The following VCAN variants were observed in gnomAD, a reference collection of about 807,000 sequenced individuals.
VCAN encodes the protein versican.
In VCAN, 44 loss-of-function variants were observed where a neutral mutation model predicts 245.5. The ratio of observed to expected loss-of-function variants is 0.18; its 90% confidence interval spans 0.14 to 0.23. The LOEUF is 0.23. VCAN is among the 10% of genes least tolerant of loss of function. VCAN has a pLI of 1.00. For missense variants in VCAN, 3,793 were observed against 4,057.9 expected, an observed-to-expected ratio of 0.93 and a Z score of 1.77; for synonymous variants, 1,413 against 1,437.0, an observed-to-expected ratio of 0.98 and a Z score of 0.38.
intron 1 of VCAN, among the ~76,000 whole-genome samples, chr5:83,478,186 T>G (rs1217530430): frequency 1.3e-5 from 2 of 152,048 alleles, no homozygotes; most frequent in African/African-American, 4.8e-5. Flanking sequence ...CCTCAAGTGA[T>G]TCACCCACCT....
At position 83,496,148 on chromosome 5, in the gene VCAN, C is replaced by A. The variant is rs575873663; in HGVS notation, c.748+2217C>A. Among the ~76,000 whole-genome samples, 101 of 152,266 alleles carry A rather than the reference C, an allele frequency of 6.6e-4. 1 individual carries two copies. The East Asian group carries it at 8.3e-3, about 13-fold the overall frequency. Reference sequence around the variant, plus strand: ...ACACTGTCTTCATTGAACGATGGCTCCCCACAGTCTGCTCATAGTATCATA... The same window carrying A: ...ACACTGTCTTCATTGAACGATGGCTACCCACAGTCTGCTCATAGTATCATA... On this transcript the variant is annotated intron_variant, in intron 5 of 14. Transcript: ENST00000265077.
At chr5:83,479,470 C>G (rs866112195) in intron 1 of VCAN, among the ~76,000 whole-genome samples, 1 of 152,094 alleles carries the variant, frequency 6.6e-6, no homozygotes, top group Non-Finnish European at 1.5e-5. Flanking sequence ...TACCCTGTAC[C>G]TGGATTGTTC....
chr5:83,517,215 CT>C (rs1035248137), intron 6 of VCAN, among the ~76,000 whole-genome samples: 1 of 152,062 alleles, frequency 6.6e-6, no homozygotes, highest in Non-Finnish European at 1.5e-5. Context: ...TATGAGTCAA[CT>C]TTTAAAACAC....
At chr5:83,487,381 T>A (rs936245928) in intron 2 of VCAN, among the ~76,000 whole-genome samples, 1 of 152,194 alleles carries the variant, frequency 6.6e-6, no homozygotes, top group African/African-American at 2.4e-5. Flanking sequence ...CTGTACTCAT[T>A]TGGACCACAA....
rs1464512889 is a variant in VCAN, at chr5:83,537,064, A to G, written c.4061A>G (p.Asp1354Gly). The G allele has an allele frequency of 3.1e-6, 5 of 1,613,072 alleles. No individual in the cohort carries two copies. The Admixed American group carries it at 8.4e-5, about 27-fold the overall frequency. Reference protein sequence around the residue: ...GHPIDSESKEDEPCSEETDPV... With the variant: ...GHPIDSESKEGEPCSEETDPV... ...CCAATAGATTCAGAATCTAAAGAAG[A>G]TGAACCTTGTAGTGAAGAAACAGAT... Residue 1354 changes from aspartate (D) to glycine (G), a missense_variant, in exon 8 of 15, where the codon GAT (aspartate) becomes GGT (glycine). Transcript: ENST00000265077.
chr5:83,483,409 T>C, intron 1 of VCAN, 104 bp from the exon 2 acceptor site: 1 of 901,444 alleles, frequency 1.1e-6, no homozygotes, highest in Non-Finnish European at 1.8e-6. Flanking sequence ...TACTTAATGC[T>C]TAATACTACC....
intron 1 of VCAN, among the ~76,000 whole-genome samples, chr5:83,477,129 TA>T (rs1221806886): frequency 6.6e-6 from 1 of 152,150 alleles, no homozygotes; most frequent in Non-Finnish European, 1.5e-5. Context: ...TGTCATAATC[TA>T]TTAAATGAAT....
intron 13 of VCAN, among the ~76,000 whole-genome samples, chr5:83,579,690 T>C (rs1440978310): frequency 6.6e-6 from 1 of 152,128 alleles, no homozygotes; most frequent in Non-Finnish European, 1.5e-5. Context: ...AATTTGGAAA[T>C]TTTGTCAGAA....
chr5:83,519,651 A>G lies in VCAN; in HGVS notation c.1345A>G (p.Lys449Glu), dbSNP rs375154169. 25 of 1,614,050 alleles carry G rather than the reference A, an allele frequency of 1.5e-5. No individual in the cohort carries two copies. The highest frequency in any genetic ancestry group is 1.9e-5 in the Non-Finnish European group (23 of 1,179,998). The change falls in exon 7 of 15, where the codon AAG (lysine) becomes GAG (glutamate). Residue 449 changes from lysine to glutamate, a missense_variant. By Grantham distance (56) the Lys-to-Glu change is moderately conservative (BLOSUM62 1). Coordinates refer to ENST00000265077, the MANE Select transcript of VCAN (RefSeq NM_004385.5). ...ACCTTCTGCTTCAGGACCTCTTGGAAAGCTAGACATATCAGAAATTAAGGA... is the reference window on the plus strand; with the variant it reads ...ACCTTCTGCTTCAGGACCTCTTGGAGAGCTAGACATATCAGAAATTAAGGA... ...YSPSASGPLG[K>E]LDISEIKEEV...
chr5:83,553,772 A>G lies in VCAN; in HGVS notation c.9652+250A>G, dbSNP rs147748928. ...AGTTGAAACACTTGCTGTAGGTTGA[A>G]TCATAAGCAGTTGCTATTTGATCAT... On this transcript the variant is annotated intron_variant, in intron 11 of 14. Coordinates refer to ENST00000265077, the MANE Select transcript of VCAN (RefSeq NM_004385.5). 9.1e-4 allele frequency among the ~76,000 whole-genome samples: 139 copies of G among 152,354 alleles called. 3 individuals are homozygous for G. Among genetic ancestry groups the G allele is most frequent in the African/African-American group, 3.1e-3 (127 of 41,586 alleles).
chr5:83,548,096 T>C lies in VCAN; in HGVS notation c.9493+12T>C. The C allele has an allele frequency of 3.8e-6, 6 of 1,596,146 alleles. No individual in the cohort carries two copies. Among genetic ancestry groups the C allele is most frequent in the Non-Finnish European group, 5.2e-6 (6 of 1,163,758 alleles). On this transcript the variant is annotated intron_variant, in intron 10 of 14. Coordinates refer to ENST00000265077, the MANE Select transcript of VCAN (RefSeq NM_004385.5). ...ACTTTGTGAGCAAGGTAAGAGCTAT[T>C]GCAACATTTGTATGATGAACATTAT...
At chr5:83,473,102 G>A (rs1446547106) in intron 1 of VCAN, among the ~76,000 whole-genome samples, 2 of 152,108 alleles carry the variant, frequency 1.3e-5, no homozygotes, top group Admixed American at 6.5e-5. Flanking sequence ...AGCGGCGCGC[G>A]CGTGTGCCGG....
chr5:83,542,320 G>T (rs1426882722), intron 8 of VCAN, 52 bp downstream of exon 8: 1 of 1,558,570 alleles, frequency 6.4e-7, no homozygotes, highest in Non-Finnish European at 8.8e-7. Flanking sequence ...ACAGTCCCTT[G>T]GTGCTAACGT....
At position 83,530,636 on chromosome 5, in the gene VCAN, T is replaced by G. The variant is rs142071354; in HGVS notation, c.4004-6371T>G. On this transcript the variant is annotated intron_variant, in intron 7 of 14. Transcript: ENST00000265077. ...CCTATTTTTGTCACTTTAGAAAATG[T>G]ATAACATTACTTTTCATTGAGGTCA... is the stretch of plus-strand genomic sequence containing the variant. Among the ~76,000 whole-genome samples, 337 of 152,302 alleles carry G rather than the reference T, an allele frequency of 2.2e-3. 1 individual carries two copies. The highest frequency in any genetic ancestry group is 5.6e-3 in the Admixed American group (85 of 15,274).
chr5:83,494,830 T>C (rs1208062669), intron 5 of VCAN, among the ~76,000 whole-genome samples: 3 of 151,496 alleles, frequency 2.0e-5, no homozygotes, highest in Admixed American at 6.6e-5. Context: ...CATATGCCTG[T>C]AGTCACAGTT....
chr5:83,537,314 T>A lies in VCAN; in HGVS notation c.4311T>A (p.Val1437=). The A allele has an allele frequency of 6.2e-7, 1 of 1,614,010 alleles. No individual in the cohort carries two copies. The highest frequency in any genetic ancestry group is 8.5e-7 in the Non-Finnish European group (1 of 1,179,952). ...AEARRGQFES[V]APSQNFSDSS... ...CTAGGCGTGGCCAGTTTGAAAGTGT[T>A]GCACCTTCTCAGAATTTCTCGGACA... Residue 1437 remains valine (V), a synonymous_variant, in exon 8 of 15, where the codon GTT becomes GTA. Transcript: ENST00000265077.
At chr5:83,506,180 C>A (rs976367787) in intron 5 of VCAN, among the ~76,000 whole-genome samples, 1 of 152,226 alleles carries the variant, frequency 6.6e-6, no homozygotes, top group African/African-American at 2.4e-5. Flanking sequence ...GCTACTTATG[C>A]AAATTTCTGC....
At chr5:83,572,850 GACC>G (rs1345354638) in intron 13 of VCAN, among the ~76,000 whole-genome samples, 44 of 147,746 alleles carry the variant, frequency 3.0e-4, no homozygotes, top group African/African-American at 1.1e-3. Flanking sequence ...AAGGCCAATA[GACC>G]TTTTTATTTT....
chr5:83,476,448 C>G (rs774049631), intron 1 of VCAN, among the ~76,000 whole-genome samples: 5 of 152,158 alleles, frequency 3.3e-5, no homozygotes, highest in Non-Finnish European at 5.9e-5. Context: ...TTAGGACTGA[C>G]AAACACTCAT....
Sources: gnomAD v4.1 joint callset for allele counts (sites outside exome capture counted in the v4.1 genomes callset) on GRCh38, gnomAD v4.1.1 for gene constraint, MANE v1.5 for transcripts, NCBI Gene and HGNC (gene_info 2026-07-23, HGNC 2026-07-21) for gene names.